CORO2B: variants seen among roughly 807,000 people sequenced by gnomAD.
The protein encoded by CORO2B is coronin 2B, also known as coronin-2B.
In CORO2B, 26 loss-of-function variants were observed where a neutral mutation model predicts 58.8. That is an observed-to-expected ratio of 0.44 (90% CI 0.32 to 0.61). The LOEUF (loss-of-function observed/expected upper bound fraction) is 0.61, where lower values mean the gene tolerates loss of function less well. Ranked by LOEUF, CORO2B falls within the 20% of genes least tolerant of loss-of-function variation. The pLI, the probability that CORO2B is intolerant of heterozygous loss-of-function variation, is 0.04. For synonymous variants in CORO2B, 242 were observed against 253.8 expected (o/e 0.95, Z 0.44); for missense variants, 460 against 645.1 (o/e 0.71, Z 3.11).
chr15:68,714,674 G>T lies in CORO2B; in HGVS notation c.870+11G>T. 1 of 1,606,818 alleles carries T rather than the reference G, an allele frequency of 6.2e-7. No homozygotes were observed. Among genetic ancestry groups the T allele is most frequent in the Non-Finnish European group, 8.5e-7 (1 of 1,173,686 alleles). On this transcript the variant is annotated intron_variant, in intron 7 of 11. Transcript: ENST00000261861. ...TACCTGGCTGGAAAGGTAGTAGGAG[G>T]TGGGGGAGGGCCCGGGGCAGCCTGT... is the stretch of plus-strand genomic sequence containing the variant.
rs1036639991 is a variant in CORO2B at position 68,715,103 on chromosome 15, T to C, written c.871-112T>C. The C allele has an allele frequency of 4.7e-5, 45 of 956,916 alleles. No individual in the cohort carries two copies. In the East Asian group the frequency reaches 1.1e-3, roughly 22 times the overall value. The allele number at this position is 956,916 out of a possible 1,614,324, so 59.3% of individuals were successfully genotyped here. On this transcript the variant is annotated intron_variant, in intron 7 of 11. Coordinates refer to ENST00000261861, the MANE Select transcript of CORO2B (RefSeq NM_006091.5). ...AGAAGCCAGGTTTCCTTGGTTTTTT[T>C]AACTGCCCATGAGGCACAGGGGAGA...
intron 2 of CORO2B, among the ~76,000 whole-genome samples, chr15:68,670,565 A>T (rs1042936947): frequency 2.0e-5 from 3 of 152,218 alleles, no homozygotes; most frequent in Non-Finnish European, 2.9e-5. Flanking sequence ...TAATACACAG[A>T]ATTAATATCT....
At position 68,711,591 on chromosome 15, in the gene CORO2B, G is replaced by A; in HGVS notation, c.533G>A (p.Cys178Tyr). ...GGTGAGCCGGTGAAGATGATTGACT[G>A]CCACACGGATGTGATCCTCTGCATG... The part of the protein sequence containing the change: ...DVGEPVKMID[C>Y]HTDVILCMSF... Residue 178 changes from cysteine to tyrosine, a missense_variant, in exon 5 of 12, where the codon TGC becomes TAC. This residue lies in a region of CORO2B where 352 missense variants were observed against 543.0 expected (regional missense o/e 0.65). Coordinates refer to ENST00000261861, the MANE Select transcript of CORO2B (RefSeq NM_006091.5). The A allele has an allele frequency of 6.2e-7, 1 of 1,613,924 alleles. No individual in the cohort carries two copies. Among genetic ancestry groups the A allele is most frequent in the Non-Finnish European group, 8.5e-7 (1 of 1,179,906 alleles).
chr15:68,623,497 C>A (rs1035197511), intron 1 of CORO2B, among the ~76,000 whole-genome samples: 1 of 152,116 alleles, frequency 6.6e-6, no homozygotes, highest in African/African-American at 2.4e-5. Flanking sequence ...CCACCCCACC[C>A]CATCCCATCC....
the CORO2B span, among the ~76,000 whole-genome samples, chr15:68,542,393 T>C: frequency 6.6e-6 from 1 of 152,262 alleles, no homozygotes; most frequent in East Asian, 1.9e-4. Context: ...ACTGCATGGA[T>C]AGCTATCTCT....
the CORO2B span, among the ~76,000 whole-genome samples, chr15:68,538,717 C>CA: frequency 7.8e-4 from 118 of 151,922 alleles, no homozygotes; most frequent in Admixed American, 1.3e-3. Context: ...ATTAATATAA[C>CA]AAAAAAAACC....
At chr15:68,625,853 C>G (rs1047363336) in intron 1 of CORO2B, among the ~76,000 whole-genome samples, 3 of 152,152 alleles carry the variant, frequency 2.0e-5, no homozygotes, top group Admixed American at 6.5e-5. Flanking sequence ...AATCTGCCCC[C>G]CTTGGCCTCC....
chr15:68,599,627 C>G (rs1034178538), intron 1 of CORO2B, among the ~76,000 whole-genome samples: 15 of 152,100 alleles, frequency 9.9e-5, no homozygotes, highest in Non-Finnish European at 5.9e-5. Flanking sequence ...CCAGACAGAT[C>G]TGGGTTGCCC....
At chr15:68,664,041 A>G (rs868783340) in intron 2 of CORO2B, among the ~76,000 whole-genome samples, 11 of 152,228 alleles carry the variant, frequency 7.2e-5, no homozygotes, top group Admixed American at 1.3e-4. Flanking sequence ...GAGCAGCTGG[A>G]ACTCTCATAC....
intron 1 of CORO2B, among the ~76,000 whole-genome samples, chr15:68,582,385 A>T (rs962265323): frequency 2.0e-5 from 3 of 152,194 alleles, no homozygotes; most frequent in African/African-American, 4.8e-5. Context: ...GGCCCTGAGC[A>T]TGCACAGGAG....
intron 1 of CORO2B, among the ~76,000 whole-genome samples, chr15:68,639,994 G>A (rs1901155915): frequency 6.6e-6 from 1 of 152,150 alleles, no homozygotes; most frequent in African/African-American, 2.4e-5. Flanking sequence ...TTCCCTTTGA[G>A]GTCTGGGCAC....
chr15:68,525,789 A>C, the CORO2B span, among the ~76,000 whole-genome samples: 2 of 152,216 alleles, frequency 1.3e-5, no homozygotes, highest in Non-Finnish European at 2.9e-5. Context: ...ACGTGTTAAA[A>C]TGCACCAACT....
chr15:68,697,190 T>TTGGATGGATGGATGGATGGATGGA (rs374285924), intron 3 of CORO2B, among the ~76,000 whole-genome samples: 236 of 148,360 alleles, frequency 1.6e-3, no homozygotes, highest in African/African-American at 5.6e-3. Flanking sequence ...GGATGGATTG[T>TTGGATGGATGGATGGATGGATGGA]TGGATGGATG....
At chr15:68,648,146 A>G (rs1440607807) in intron 2 of CORO2B, among the ~76,000 whole-genome samples, 4 of 149,938 alleles carry the variant, frequency 2.7e-5, no homozygotes, top group African/African-American at 9.9e-5. Flanking sequence ...CAGCCTGACC[A>G]ATATGGTGAA....
chr15:68,588,050 C>CTAA lies in CORO2B; in HGVS notation c.15+8776_15+8778dup, dbSNP rs1397024969. Among the ~76,000 whole-genome samples, 5 of 152,278 alleles carry CTAA rather than the reference C, an allele frequency of 3.3e-5. No individual in the cohort carries two copies. The East Asian group carries it at 5.8e-4, about 18-fold the overall frequency. ...TAGTAGTCTATCTCTGTAGGGTGCT[C>CTAA]TAATATTTAAGTAACATGGAAAGAT... On this transcript the variant is annotated intron_variant, in intron 1 of 11. Coordinates refer to ENST00000261861, the MANE Select transcript of CORO2B (RefSeq NM_006091.5).
At chr15:68,708,627 G>T (rs1892840334) in intron 3 of CORO2B, among the ~76,000 whole-genome samples, 1 of 151,716 alleles carries the variant, frequency 6.6e-6, no homozygotes, top group Non-Finnish European at 1.5e-5. Context: ...CTCCCAAAGT[G>T]CTGGGATTAC....
At chr15:68,567,518 CTGA>C in the CORO2B span, among the ~76,000 whole-genome samples, 1 of 152,284 alleles carries the variant, frequency 6.6e-6, no homozygotes, top group South Asian at 2.1e-4. Context: ...TCTGTCTCTG[CTGA>C]TAAGAGCTAT....
chr15:68,646,379 CAG>C (rs942898150), intron 2 of CORO2B, among the ~76,000 whole-genome samples: 1 of 152,162 alleles, frequency 6.6e-6, no homozygotes, highest in Non-Finnish European at 1.5e-5. Context: ...CCAAATCGCT[CAG>C]GGGGAGGAAG....
chr15:68,639,339 A>T (rs967599877), intron 1 of CORO2B, among the ~76,000 whole-genome samples: 3 of 152,198 alleles, frequency 2.0e-5, no homozygotes, highest in Non-Finnish European at 2.9e-5. Context: ...TAACTTACAA[A>T]CCACTAACTG....
Sources: gnomAD v4.1 joint callset for allele counts (sites outside exome capture counted in the v4.1 genomes callset) on GRCh38, gnomAD v4.1.1 for gene constraint, gnomAD v4.1.1 regional missense constraint, MANE v1.5 for transcripts, NCBI Gene and HGNC (gene_info 2026-07-23, HGNC 2026-07-21) for gene names.